ZPBP: variants seen among roughly 807,000 people sequenced by gnomAD.
ZPBP encodes zona pellucida-binding protein 1.
A neutral mutation model predicts 44.8 loss-of-function variants in ZPBP; 26 were observed. That is an observed-to-expected ratio of 0.58 (90% CI 0.43 to 0.81). ZPBP has a LOEUF of 0.81. ZPBP is among the 30% of genes least tolerant of loss of function. The probability of loss-of-function intolerance (pLI) is 0.00; values close to 1 mark genes in which losing one functional copy is unlikely to be tolerated. For synonymous variants in ZPBP, 174 were observed against 153.2 expected, an observed-to-expected ratio of 1.14 and a Z score of -1.00; for missense variants, 409 against 434.0, an observed-to-expected ratio of 0.94 and a Z score of 0.51.
intron 1 of ZPBP, among the ~76,000 whole-genome samples, chr7:49,909,553 G>A (rs766568382): frequency 1.5e-4 from 23 of 151,948 alleles, no homozygotes; most frequent in Non-Finnish European, 3.1e-4. Flanking sequence ...GGTGGGGAGG[G>A]GTCTTGAATT....
At chr7:49,937,198 A>T (rs910755295), downstream of ZPBP, among the ~76,000 whole-genome samples, 1 of 152,216 alleles carries the variant, frequency 6.6e-6, no homozygotes, top group Admixed American at 6.5e-5. Context: ...GGTGGCCTGG[A>T]TCTAGTGAAC....
chr7:49,898,159 AT>A (rs1367799523), intron 2 of ZPBP, among the ~76,000 whole-genome samples: 1 of 151,892 alleles, frequency 6.6e-6, no homozygotes, highest in Non-Finnish European at 1.5e-5. Context: ...ATATATGTGT[AT>A]GCTTTATATG....
intron 4 of ZPBP, among the ~76,000 whole-genome samples, chr7:50,045,819 A>G (rs1271712909): frequency 6.6e-6 from 1 of 152,238 alleles, no homozygotes; most frequent in African/African-American, 2.4e-5. Flanking sequence ...ATGGAACCAA[A>G]AAGGAGCCCA....
chr7:49,869,141 CTT>C (rs1791030955), intron 2 of ZPBP, among the ~76,000 whole-genome samples: 1 of 151,816 alleles, frequency 6.6e-6, no homozygotes, highest in Admixed American at 6.6e-5. Context: ...TAGTTATGTG[CTT>C]AAACACTACA....
intron 2 of ZPBP, among the ~76,000 whole-genome samples, chr7:49,892,878 C>A (rs1205368767): frequency 1.3e-5 from 2 of 152,228 alleles, no homozygotes. Context: ...ATGCTGCCCA[C>A]TCTGCCCCTT....
chr7:49,911,859 T>A (rs1372060156), intron 1 of ZPBP, among the ~76,000 whole-genome samples: 1 of 151,360 alleles, frequency 6.6e-6, no homozygotes, highest in Non-Finnish European at 1.5e-5. Context: ...ATCGTGCCAC[T>A]GCACTCCAGC....
Position 49,937,692 on chromosome 7 carries a change from T to G in ZPBP, c.962-70A>C, listed in dbSNP as rs566294454. The stretch of plus-strand genomic sequence containing the variant: ...CATAATATAAAATTTCCAATCTCAA[T>G]TCTTTTAAGTGTATAGTTCAGTAGT... On this transcript the variant is annotated intron_variant, in intron 7 of 7. Transcript: ENST00000046087. The G allele has an allele frequency of 4.9e-6, 6 of 1,227,108 alleles. No individual in the cohort carries two copies. In the South Asian group the frequency reaches 6.1e-5, roughly 12 times the overall value. The allele number at this position is 1,227,108 out of a possible 1,614,324, so 76.0% of individuals were successfully genotyped here.
rs566751587 is a variant in ZPBP at position 50,027,889 on chromosome 7, A to G, written c.706+3203T>C. On this transcript the variant is annotated intron_variant, in intron 5 of 7. Coordinates refer to ENST00000046087, the MANE Select transcript of ZPBP (RefSeq NM_007009.3). Reference sequence around the variant, plus strand: ...ATAAACAGAAAATATGAATAGGTCTATAACTAAGTAAGGAGTTTGAATCAC... The same window carrying G: ...ATAAACAGAAAATATGAATAGGTCTGTAACTAAGTAAGGAGTTTGAATCAC... Among the ~76,000 whole-genome samples the G allele has an allele frequency of 9.4e-4, 143 of 152,178 alleles. 1 individual carries two copies. Among genetic ancestry groups the G allele is most frequent in the Non-Finnish European group, 1.8e-3 (119 of 67,908 alleles).
intron 6 of ZPBP, among the ~76,000 whole-genome samples, chr7:50,011,684 T>G (rs1212940116): frequency 6.6e-6 from 1 of 152,100 alleles, no homozygotes; most frequent in Non-Finnish European, 1.5e-5. Flanking sequence ...AACTAGAAAT[T>G]GATAATAAGA....
chr7:50,051,795 A>C (rs1222539484), intron 4 of ZPBP, among the ~76,000 whole-genome samples: 1 of 152,132 alleles, frequency 6.6e-6, no homozygotes, highest in East Asian at 1.9e-4. Context: ...AACAACACAC[A>C]CTGGGGCCTG....
At chr7:49,980,292 T>C (rs1469749737) in intron 7 of ZPBP, among the ~76,000 whole-genome samples, 2 of 41,360 alleles carry the variant, frequency 4.8e-5, no homozygotes, top group African/African-American at 1.6e-4. Flanking sequence ...ATAATATAAA[T>C]ATATAATATA....
chr7:49,854,430 T>C (rs1450595729), intron 2 of ZPBP, among the ~76,000 whole-genome samples: 1 of 152,118 alleles, frequency 6.6e-6, no homozygotes, highest in Non-Finnish European at 1.5e-5. Flanking sequence ...TGGTATCTCA[T>C]TGTGGTTTTG....
intron 7 of ZPBP, among the ~76,000 whole-genome samples, chr7:49,963,754 G>T (rs1795950278): frequency 6.6e-6 from 1 of 151,742 alleles, no homozygotes; most frequent in Admixed American, 6.6e-5. Flanking sequence ...GTCTCACAAA[G>T]AAAGCTCTAG....
chr7:50,055,177 T>C lies in ZPBP; in HGVS notation c.487+2812A>G, dbSNP rs114941360. On this transcript the variant is annotated intron_variant, in intron 4 of 7. Transcript: ENST00000046087. Reference sequence around the variant, plus strand: ...TATGGTGGGGGGTATGGTGTATCTGTGTGTATACACAGATCAGTGATGGAT... The same window carrying C: ...TATGGTGGGGGGTATGGTGTATCTGCGTGTATACACAGATCAGTGATGGAT... Among the ~76,000 whole-genome samples, 682 of 152,256 alleles carry C rather than the reference T, an allele frequency of 4.5e-3. 3 individuals are homozygous for C. Among genetic ancestry groups the C allele is most frequent in the African/African-American group, 0.016 (661 of 41,562 alleles).
chr7:49,987,111 G>A (rs536726644), intron 6 of ZPBP, among the ~76,000 whole-genome samples: 1 of 152,170 alleles, frequency 6.6e-6, no homozygotes, highest in East Asian at 1.9e-4. Context: ...TCCCCTCCAC[G>A]AACCACCTTG....
At chr7:49,885,611 T>C (rs1197721001) in intron 2 of ZPBP, among the ~76,000 whole-genome samples, 1 of 152,236 alleles carries the variant, frequency 6.6e-6, no homozygotes, top group African/African-American at 2.4e-5. Flanking sequence ...GCACAAGATA[T>C]GTTTTTAAGA....
intron 1 of ZPBP, among the ~76,000 whole-genome samples, chr7:49,902,552 G>A (rs1375543818): frequency 3.4e-5 from 4 of 117,820 alleles, no homozygotes; most frequent in Non-Finnish European, 7.5e-5. Context: ...GATATCCGTA[G>A]CCAAAAAAAA....
intron 7 of ZPBP, among the ~76,000 whole-genome samples, chr7:49,970,466 C>CTTTTTTTTTTTTT (rs771955717): frequency 1.1e-4 from 9 of 85,212 alleles, no homozygotes; most frequent in African/African-American, 1.9e-4. Context: ...GCTGAATATA[C>CTTTTTTTTTTTTT]TTTTTTTTTT....
intron 7 of ZPBP, chr7:49,944,230 T>C (rs1210163627): frequency 2.8e-6 from 1 of 361,410 alleles, no homozygotes; most frequent in Non-Finnish European, 5.3e-6. Flanking sequence ...CTTTTGCCAC[T>C]GTGCCAGAAG....
Sources: allele counts gnomAD v4.1 joint callset (sites outside exome capture counted in the v4.1 genomes callset), GRCh38; gene constraint gnomAD v4.1.1; transcripts MANE v1.5; gene names NCBI Gene and HGNC (gene_info 2026-07-23, HGNC 2026-07-21).